SCFD2: variants seen among roughly 807,000 people sequenced by gnomAD.
SCFD2 encodes sec1 family domain containing 2, also known as sec1 family domain-containing protein 2.
A neutral mutation model predicts 58.9 loss-of-function variants in SCFD2; 54 were observed. That is an observed-to-expected ratio of 0.92 (90% CI 0.74 to 1.15). The LOEUF is 1.15. Among genes scored for constraint, SCFD2 ranks in the 50% most tolerant of loss-of-function variants. The pLI is 0.00. For synonymous variants in SCFD2, 321 were observed against 335.9 expected, an observed-to-expected ratio of 0.96 and a Z score of 0.49; for missense variants, 805 against 836.6, an observed-to-expected ratio of 0.96 and a Z score of 0.47.
intron 1 of SCFD2, among the ~76,000 whole-genome samples, chr4:53,356,861 G>A (rs754047616): frequency 4.6e-4 from 69 of 150,440 alleles, no homozygotes; most frequent in South Asian, 6.3e-4. Context: ...CTCAGCCTCC[G>A]GAGTAGCTGG....
intron 4 of SCFD2, among the ~76,000 whole-genome samples, chr4:53,244,895 A>G (rs1730018110): frequency 6.9e-6 from 1 of 145,386 alleles, no homozygotes; most frequent in African/African-American, 2.4e-5. Context: ...GAAGATTCAA[A>G]TATACACAAT....
intron 1 of SCFD2, among the ~76,000 whole-genome samples, chr4:53,355,748 A>C (rs1734381053): frequency 6.6e-6 from 1 of 152,114 alleles, no homozygotes; most frequent in Non-Finnish European, 1.5e-5. Flanking sequence ...TGCTCACAAC[A>C]CTTTAGCCAA....
chr4:52,997,952 T>C (rs1721781200), intron 5 of SCFD2, among the ~76,000 whole-genome samples: 1 of 152,238 alleles, frequency 6.6e-6, no homozygotes, highest in African/African-American at 2.4e-5. Context: ...AACATTATTT[T>C]CCTTATATTC....
chr4:52,963,107 C>A (rs554705823), intron 5 of SCFD2, among the ~76,000 whole-genome samples: 4 of 152,270 alleles, frequency 2.6e-5, no homozygotes, highest in South Asian at 4.1e-4. Flanking sequence ...ACTAAACAAA[C>A]ACAAGTTTTA....
At chr4:52,980,799 A>T (rs1319731162) in intron 5 of SCFD2, among the ~76,000 whole-genome samples, 1 of 152,164 alleles carries the variant, frequency 6.6e-6, no homozygotes, top group African/African-American at 2.4e-5. Flanking sequence ...TGACAGAAGC[A>T]CTTTGTTACC....
At chr4:53,126,403 C>T (rs934197003) in intron 5 of SCFD2, among the ~76,000 whole-genome samples, 1 of 152,186 alleles carries the variant, frequency 6.6e-6, no homozygotes, top group Non-Finnish European at 1.5e-5. Flanking sequence ...GCAAACTCCG[C>T]CTCCTGGATT....
intron 4 of SCFD2, among the ~76,000 whole-genome samples, chr4:53,178,496 T>A (rs1727423350): frequency 6.6e-6 from 1 of 152,146 alleles, no homozygotes; most frequent in Non-Finnish European, 1.5e-5. Context: ...AAAACCCATC[T>A]GTACATCACC....
At chr4:53,066,731 T>C (rs1723673848) in intron 5 of SCFD2, among the ~76,000 whole-genome samples, 1 of 152,064 alleles carries the variant, frequency 6.6e-6, no homozygotes, top group African/African-American at 2.4e-5. Flanking sequence ...TCACGCCAAC[T>C]CATCCTTCAG....
At chr4:53,044,412 C>T (rs948505514) in intron 5 of SCFD2, among the ~76,000 whole-genome samples, 2 of 152,102 alleles carry the variant, frequency 1.3e-5, no homozygotes, top group South Asian at 2.1e-4. Context: ...TCTTGCACTT[C>T]GAACTCTGTC....
chr4:53,072,375 G>A (rs764799148), intron 5 of SCFD2, among the ~76,000 whole-genome samples: 5 of 152,088 alleles, frequency 3.3e-5, no homozygotes, highest in Non-Finnish European at 7.4e-5. Context: ...CTGAAATATC[G>A]AGCTGCAGAC....
At chr4:53,310,769 T>C (rs563215845) in intron 3 of SCFD2, among the ~76,000 whole-genome samples, 2 of 152,354 alleles carry the variant, frequency 1.3e-5, no homozygotes, top group South Asian at 2.1e-4. Flanking sequence ...TTGGTGCTCA[T>C]AACGTTTTAA....
At chr4:53,193,552 C>T (rs1012889598) in intron 4 of SCFD2, among the ~76,000 whole-genome samples, 3 of 152,242 alleles carry the variant, frequency 2.0e-5, no homozygotes, top group African/African-American at 2.4e-5. Context: ...CAAAAAACCT[C>T]GCCTAATTAA....
At chr4:52,980,179 A>G (rs1333022539) in intron 5 of SCFD2, among the ~76,000 whole-genome samples, 1 of 152,210 alleles carries the variant, frequency 6.6e-6, no homozygotes, top group Non-Finnish European at 1.5e-5. Context: ...GGAAATGATA[A>G]TGTTGAAGAT....
chr4:53,353,261 T>C (rs1005258778), intron 1 of SCFD2, among the ~76,000 whole-genome samples: 1 of 152,016 alleles, frequency 6.6e-6, no homozygotes, highest in Non-Finnish European at 1.5e-5. Flanking sequence ...TCTGGAGTTG[T>C]TCGTTCCTCT....
chr4:53,264,034 T>G (rs1421419920), intron 4 of SCFD2, among the ~76,000 whole-genome samples: 2 of 152,188 alleles, frequency 1.3e-5, no homozygotes, highest in Non-Finnish European at 2.9e-5. Context: ...AGGGGGATTA[T>G]AGCTGCCTCT....
At chr4:53,261,511 T>C (rs560727535) in intron 4 of SCFD2, among the ~76,000 whole-genome samples, 3 of 152,342 alleles carry the variant, frequency 2.0e-5, no homozygotes, top group Admixed American at 1.3e-4. Flanking sequence ...TTATTTAATT[T>C]CCATGTACTT....
At position 52,908,676 on chromosome 4, in the gene SCFD2, T is replaced by TA. The variant is rs368219158; in HGVS notation, c.1708-1086dup. Among the ~76,000 whole-genome samples, 572 of 152,304 alleles carry TA rather than the reference T, an allele frequency of 3.8e-3. 2 individuals are homozygous for TA. The highest frequency in any genetic ancestry group is 5.9e-3 in the Non-Finnish European group (398 of 68,026). On this transcript the variant is annotated intron_variant, in intron 6 of 8. Coordinates refer to ENST00000401642, the MANE Select transcript of SCFD2 (RefSeq NM_152540.4). Reference sequence around the variant, plus strand: ...TGCTTTTCTTCCAGTCATTTTTTTTTACTCAAATTTTCCCTTTCCAATTTT... The same window carrying TA: ...TGCTTTTCTTCCAGTCATTTTTTTTTAACTCAAATTTTCCCTTTCCAATTTT...
chr4:53,218,612 T>C (rs989671895), intron 4 of SCFD2, among the ~76,000 whole-genome samples: 1 of 152,232 alleles, frequency 6.6e-6, no homozygotes. Flanking sequence ...TCAGAGAAGT[T>C]TGATCGTCTG....
At chr4:53,146,072 C>G (rs1331589520) in intron 4 of SCFD2, among the ~76,000 whole-genome samples, 1 of 152,056 alleles carries the variant, frequency 6.6e-6, no homozygotes, top group African/African-American at 2.4e-5. Flanking sequence ...CTTTTTAAAA[C>G]AACAAAAAGT....
Sources: allele counts gnomAD v4.1 joint callset (sites outside exome capture counted in the v4.1 genomes callset), GRCh38; gene constraint gnomAD v4.1.1; transcripts MANE v1.5; gene names NCBI Gene and HGNC (gene_info 2026-07-23, HGNC 2026-07-21).